Variants in PTPRD observed in about 807,000 individuals in gnomAD.
The protein encoded by PTPRD is protein tyrosine phosphatase receptor type D.
PTPRD carries 34 observed loss-of-function variants against 214.5 expected under a neutral mutation model. That is an observed-to-expected ratio of 0.16 (90% CI 0.12 to 0.21). The LOEUF (loss-of-function observed/expected upper bound fraction) is 0.21, where lower values mean the gene tolerates loss of function less well. PTPRD is among the 10% of genes least tolerant of loss of function. The probability of loss-of-function intolerance (pLI) is 1.00; values close to 1 mark genes in which losing one functional copy is unlikely to be tolerated. For missense variants in PTPRD, 2,545 were observed against 2,398.7 expected (o/e 1.06, Z -1.27); for synonymous variants, 1,128 against 845.7 (o/e 1.33, Z -5.79).
intron 3 of PTPRD, among the ~76,000 whole-genome samples, chr9:10,232,315 A>G (rs1015632864): frequency 1.3e-5 from 2 of 151,978 alleles, no homozygotes; most frequent in African/African-American, 4.8e-5. Flanking sequence ...ATGATCCACT[A>G]ATCCAGAAAT....
chr9:10,141,099 T>C (rs2098981512), intron 3 of PTPRD, among the ~76,000 whole-genome samples: 1 of 152,206 alleles, frequency 6.6e-6, no homozygotes, highest in African/African-American at 2.4e-5. Flanking sequence ...GGGACGTATC[T>C]CAAAATAATA....
intron 2 of PTPRD, among the ~76,000 whole-genome samples, chr9:10,550,826 T>A (rs992214467): frequency 6.6e-6 from 1 of 152,246 alleles, no homozygotes; most frequent in African/African-American, 2.4e-5. Context: ...AGTGGCCAGA[T>A]ATAAGCTTTT....
chr9:8,905,156 G>A (rs963720596), intron 11 of PTPRD, among the ~76,000 whole-genome samples: 2 of 152,118 alleles, frequency 1.3e-5, no homozygotes, highest in Non-Finnish European at 2.9e-5. Context: ...GAAGCTAAAG[G>A]ATTTATGTAA....
chr9:9,896,099 C>T (rs763460624), intron 5 of PTPRD, among the ~76,000 whole-genome samples: 25 of 151,888 alleles, frequency 1.6e-4, no homozygotes, highest in Admixed American at 5.9e-4. Flanking sequence ...TTTATTTTCT[C>T]TTTGGGAGCT....
At chr9:9,345,672 A>G (rs1248352451) in intron 9 of PTPRD, among the ~76,000 whole-genome samples, 2 of 152,146 alleles carry the variant, frequency 1.3e-5, no homozygotes, top group Non-Finnish European at 2.9e-5. Context: ...CTGAAGGCAT[A>G]TTATCTAGAT....
chr9:9,567,202 G>T (rs571006313), intron 8 of PTPRD, among the ~76,000 whole-genome samples: 1 of 151,914 alleles, frequency 6.6e-6, no homozygotes. Context: ...GTCAGTCAAA[G>T]GTGTGTGAGT....
chr9:10,335,076 T>C (rs1030259687), intron 3 of PTPRD, among the ~76,000 whole-genome samples: 5 of 151,722 alleles, frequency 3.3e-5, no homozygotes, highest in Admixed American at 6.6e-5. Context: ...ATTTTGGATA[T>C]TGACAAACTG....
At chr9:8,341,655 C>G (rs1203739081) in intron 40 of PTPRD, 38 bp downstream of exon 40, 8 of 1,599,528 alleles carry the variant, frequency 5.0e-6, no homozygotes, top group South Asian at 3.4e-5. Flanking sequence ...CCCAGAATGA[C>G]TTGCTCCTGA....
At chr9:9,304,521 G>C (rs1041023520) in intron 9 of PTPRD, among the ~76,000 whole-genome samples, 1 of 151,934 alleles carries the variant, frequency 6.6e-6, no homozygotes, top group Admixed American at 6.6e-5. Context: ...GTGGAACTTG[G>C]AGCATTTTAG....
At chr9:8,473,457 C>A (rs1591441128) in intron 30 of PTPRD, among the ~76,000 whole-genome samples, 3 of 152,136 alleles carry the variant, frequency 2.0e-5, no homozygotes, top group Non-Finnish European at 2.9e-5. Context: ...ACTGAGCGTA[C>A]AAAATCACAC....
intron 5 of PTPRD, among the ~76,000 whole-genome samples, chr9:9,838,116 G>A (rs1281401752): frequency 1.3e-5 from 2 of 152,144 alleles, no homozygotes; most frequent in African/African-American, 2.4e-5. Context: ...TTTTATGGCC[G>A]CCTAGTATTC....
intron 36 of PTPRD, among the ~76,000 whole-genome samples, chr9:8,402,481 G>C (rs1267142907): frequency 6.6e-6 from 1 of 152,190 alleles, no homozygotes; most frequent in African/African-American, 2.4e-5. Context: ...CTAATTCTTA[G>C]TGGAAACAAT....
At position 9,778,121 on chromosome 9, in the gene PTPRD, G is replaced by A. The variant is rs1173772734; in HGVS notation, c.-367-11270C>T. On this transcript the variant is annotated intron_variant, in intron 5 of 45. Coordinates refer to ENST00000381196, the MANE Select transcript of PTPRD (RefSeq NM_002839.4). Reference sequence around the variant, plus strand: ...TATTGACTAAACTACCATAATATGGGCAGATGTTTGGAAACAAAAAGCTGT... The same window carrying A: ...TATTGACTAAACTACCATAATATGGACAGATGTTTGGAAACAAAAAGCTGT... Among the ~76,000 whole-genome samples the A allele has an allele frequency of 2.6e-5, 4 of 152,298 alleles. No individual in the cohort carries two copies. In the East Asian group the frequency reaches 7.7e-4, roughly 29 times the overall value.
intron 2 of PTPRD, among the ~76,000 whole-genome samples, chr9:10,529,207 T>C (rs1268668329): frequency 6.6e-6 from 1 of 152,138 alleles, no homozygotes; most frequent in African/African-American, 2.4e-5. Context: ...GATCCAGCAA[T>C]CTCATTACTG....
intron 7 of PTPRD, among the ~76,000 whole-genome samples, chr9:9,727,187 G>A (rs1416464901): frequency 2.0e-5 from 3 of 152,092 alleles, no homozygotes; most frequent in African/African-American, 7.2e-5. Context: ...CGGGCGTGGT[G>A]GCTCACACCT....
intron 3 of PTPRD, among the ~76,000 whole-genome samples, chr9:10,294,553 A>G (rs2095621108): frequency 6.6e-6 from 1 of 151,970 alleles, no homozygotes; most frequent in African/African-American, 2.4e-5. Flanking sequence ...TGACTGATGT[A>G]TCCATTTGTT....
intron 35 of PTPRD, among the ~76,000 whole-genome samples, chr9:8,435,275 T>G (rs1015222314): frequency 2.0e-5 from 3 of 152,160 alleles, no homozygotes; most frequent in Non-Finnish European, 2.9e-5. Flanking sequence ...ACATGGAGCT[T>G]CTTCTTATTT....
intron 9 of PTPRD, among the ~76,000 whole-genome samples, chr9:9,252,009 C>G (rs2099975661): frequency 6.6e-6 from 1 of 152,034 alleles, no homozygotes; most frequent in Non-Finnish European, 1.5e-5. Context: ...TTGCTATCCT[C>G]TCTTTTAGCT....
intron 2 of PTPRD, among the ~76,000 whole-genome samples, chr9:10,493,831 C>A (rs1177801412): frequency 6.6e-6 from 1 of 151,968 alleles, no homozygotes; most frequent in Non-Finnish European, 1.5e-5. Flanking sequence ...CATACACACA[C>A]AAATACACCT....
Sources: allele counts gnomAD v4.1 joint callset (sites outside exome capture counted in the v4.1 genomes callset), GRCh38; gene constraint gnomAD v4.1.1; transcripts MANE v1.5; gene names NCBI Gene and HGNC (gene_info 2026-07-23, HGNC 2026-07-21).